CSMD1: variants seen among roughly 807,000 people sequenced by gnomAD.
CSMD1 encodes CUB and sushi domain-containing protein 1.
CSMD1 carries 213 observed loss-of-function variants against 417.5 expected under a neutral mutation model. The ratio of observed to expected loss-of-function variants is 0.51; its 90% CI spans 0.46 to 0.57. The LOEUF is 0.57. Among genes scored for constraint, CSMD1 ranks in the 20% least tolerant of loss-of-function variants. The probability of loss-of-function intolerance (pLI) is 0.00; values close to 1 mark genes in which losing one functional copy is unlikely to be tolerated. For missense variants in CSMD1, 6,923 were observed against 4,529.7 expected, an observed-to-expected ratio of 1.53 and a Z score of -15.17; for synonymous variants, 2,862 against 1,736.8, an observed-to-expected ratio of 1.65 and a Z score of -16.11.
intron 2 of CSMD1, among the ~76,000 whole-genome samples, chr8:4,469,220 T>C (rs1376849279): frequency 6.6e-6 from 1 of 151,932 alleles, no homozygotes; most frequent in East Asian, 1.9e-4. Context: ...GGCCAAGACC[T>C]AAGGAAAGGA....
At chr8:3,671,323 T>C (rs1229504692) in intron 7 of CSMD1, among the ~76,000 whole-genome samples, 6 of 148,296 alleles carry the variant, frequency 4.0e-5, no homozygotes, top group Non-Finnish European at 8.9e-5. Flanking sequence ...ACATTAGTTA[T>C]GTGGAAATTA....
chr8:3,587,261 G>C (rs530008265), intron 8 of CSMD1, among the ~76,000 whole-genome samples: 8 of 152,356 alleles, frequency 5.3e-5, no homozygotes, highest in African/African-American at 1.7e-4. Context: ...GTGAGAGGCA[G>C]AGATCAGGTT....
Position 4,692,384 on chromosome 8 carries a change from C to T in CSMD1, c.86-54826G>A, listed in dbSNP as rs1806823779. Among the ~76,000 whole-genome samples the T allele has an allele frequency of 3.3e-5, 5 of 152,192 alleles. No individual in the cohort carries two copies. The South Asian group carries it at 8.3e-4, about 25-fold the overall frequency. ...AACGAAACAAAAAACTGAGGTTCTG[C>T]TTCCCAAACACATATCCCGGTTGCT... On this transcript the variant is annotated intron_variant, in intron 1 of 69. Coordinates refer to ENST00000635120, the MANE Select transcript of CSMD1 (RefSeq NM_033225.6).
intron 5 of CSMD1, among the ~76,000 whole-genome samples, chr8:3,976,163 G>C (rs898378400): frequency 6.6e-6 from 1 of 151,498 alleles, no homozygotes; most frequent in Admixed American, 6.6e-5. Flanking sequence ...CATAACCTAA[G>C]GTTTCAAATA....
At chr8:3,225,008 A>G (rs897971356) in intron 27 of CSMD1, among the ~76,000 whole-genome samples, 1 of 152,214 alleles carries the variant, frequency 6.6e-6, no homozygotes, top group African/African-American at 2.4e-5. Context: ...TATATGTCTT[A>G]TTTCATTCCC....
intron 5 of CSMD1, among the ~76,000 whole-genome samples, chr8:3,793,879 A>G (rs979358290): frequency 1.3e-5 from 2 of 152,106 alleles, no homozygotes; most frequent in Admixed American, 1.3e-4. Context: ...CTGATGGACC[A>G]TTTGTCAAAT....
chr8:4,886,973 A>T (rs1162169856), intron 1 of CSMD1, among the ~76,000 whole-genome samples: 1 of 151,916 alleles, frequency 6.6e-6, no homozygotes, highest in African/African-American at 2.4e-5. Flanking sequence ...TCTGTATTTC[A>T]TCATTTTCTG....
chr8:3,871,338 A>C (rs1449726502), intron 5 of CSMD1, among the ~76,000 whole-genome samples: 3 of 152,114 alleles, frequency 2.0e-5, no homozygotes, highest in Non-Finnish European at 4.4e-5. Flanking sequence ...ATCATAGTTG[A>C]TATTGACAAC....
chr8:4,823,795 A>T (rs1334538020), intron 1 of CSMD1, among the ~76,000 whole-genome samples: 1 of 151,792 alleles, frequency 6.6e-6, no homozygotes, highest in Non-Finnish European at 1.5e-5. Context: ...TGTCTCATGG[A>T]GTGGTGAGTA....
At chr8:4,029,070 A>T (rs1301674441) in intron 4 of CSMD1, among the ~76,000 whole-genome samples, 13 of 152,172 alleles carry the variant, frequency 8.5e-5, no homozygotes, top group Admixed American at 8.5e-4. Flanking sequence ...ACAGTGTTGA[A>T]AGAGTTCTTA....
At chr8:3,730,330 G>A (rs1221945076) in intron 6 of CSMD1, among the ~76,000 whole-genome samples, 2 of 150,308 alleles carry the variant, frequency 1.3e-5, no homozygotes, top group East Asian at 2.0e-4. Context: ...TGAACACACT[G>A]ATGCATTCTC....
chr8:4,263,700 A>G (rs77008686), intron 3 of CSMD1, among the ~76,000 whole-genome samples: 1,783 of 152,298 alleles, frequency 0.012, 36 homozygotes, highest in African/African-American at 0.041. Flanking sequence ...AATTTAAGGA[A>G]GCATCTTACT....
intron 3 of CSMD1, among the ~76,000 whole-genome samples, chr8:4,412,126 G>C (rs764007883): frequency 2.0e-5 from 3 of 151,970 alleles, no homozygotes; most frequent in Non-Finnish European, 4.4e-5. Flanking sequence ...TTTAGCCAGG[G>C]CAAATGATTA....
intron 3 of CSMD1, among the ~76,000 whole-genome samples, chr8:4,309,210 T>G (rs1798422226): frequency 6.6e-6 from 1 of 152,114 alleles, no homozygotes; most frequent in South Asian, 2.1e-4. Flanking sequence ...CTAGGGTCAG[T>G]TTGATATTAC....
intron 3 of CSMD1, among the ~76,000 whole-genome samples, chr8:4,240,992 C>G (rs543003475): frequency 2.2e-4 from 34 of 152,260 alleles, no homozygotes; most frequent in South Asian, 4.2e-4. Context: ...TATTTCCAGC[C>G]AACGTCTCAG....
intron 2 of CSMD1, among the ~76,000 whole-genome samples, chr8:4,533,209 T>G (rs1796927057): frequency 6.6e-6 from 1 of 152,208 alleles, no homozygotes; most frequent in African/African-American, 2.4e-5. Context: ...GTACTACATT[T>G]TAAACATGTA....
At chr8:3,932,078 T>A (rs536913440) in intron 5 of CSMD1, among the ~76,000 whole-genome samples, 3 of 150,386 alleles carry the variant, frequency 2.0e-5, no homozygotes, top group African/African-American at 7.4e-5. Flanking sequence ...AACATATCTA[T>A]TGGAATGACA....
intron 3 of CSMD1, among the ~76,000 whole-genome samples, chr8:4,210,320 G>A (rs1305956203): frequency 6.6e-6 from 1 of 152,170 alleles, no homozygotes; most frequent in Non-Finnish European, 1.5e-5. Context: ...TGTCAAGTGT[G>A]GGATTGTGCT....
intron 4 of CSMD1, among the ~76,000 whole-genome samples, chr8:4,014,088 C>T (rs1009401511): frequency 8.5e-5 from 13 of 152,140 alleles, no homozygotes; most frequent in African/African-American, 2.9e-4. Flanking sequence ...AGCATCATTT[C>T]AATGCCCTCA....
Sources: allele counts gnomAD v4.1 joint callset (sites outside exome capture counted in the v4.1 genomes callset), GRCh38; gene constraint gnomAD v4.1.1; transcripts MANE v1.5; gene names NCBI Gene and HGNC (gene_info 2026-07-23, HGNC 2026-07-21).